MYH14: variants seen among roughly 807,000 people sequenced by gnomAD.
The protein encoded by MYH14 is myosin heavy chain 14, also known as myosin-14.
Under a neutral mutation model 255.5 loss-of-function variants are expected in MYH14, and 123 were observed. That is an observed-to-expected ratio of 0.48 (90% CI 0.42 to 0.56). MYH14 has a LOEUF of 0.56. MYH14 is among the 20% of genes least tolerant of loss of function. The probability of loss-of-function intolerance (pLI) is 0.00; values close to 1 mark genes in which losing one functional copy is unlikely to be tolerated. For missense variants in MYH14, 2,423 were observed against 2,802.3 expected (o/e 0.86, Z 3.06); for synonymous variants, 1,095 against 1,161.2 (o/e 0.94, Z 1.16).
At chr19:50,208,295 A>G (rs2031940549) in intron 1 of MYH14, among the ~76,000 whole-genome samples, 1 of 152,170 alleles carries the variant, frequency 6.6e-6, no homozygotes, top group South Asian at 2.1e-4. Flanking sequence ...TGCGCCTGTA[A>G]TCCCAGCTAC....
At chr19:50,225,563 C>T in intron 6 of MYH14, 22 bp from the exon 7 acceptor site, 1 of 1,603,642 alleles carries the variant, frequency 6.2e-7, no homozygotes, top group Admixed American at 1.7e-5. Flanking sequence ...TGACCTCATG[C>T]ATCATCTCCT....
At chr19:50,224,286 GC>G in intron 6 of MYH14, 109 bp downstream of exon 6, 1 of 1,436,412 alleles carries the variant, frequency 7.0e-7, no homozygotes, top group Non-Finnish European at 9.8e-7. Context: ...GGTCCCACCT[GC>G]CAGGGACCCC....
intron 3 of MYH14, among the ~76,000 whole-genome samples, chr19:50,222,461 C>T (rs920711357): frequency 1.6e-4 from 19 of 120,778 alleles, no homozygotes; most frequent in Admixed American, 9.0e-4. Flanking sequence ...GCCTGGGCGA[C>T]AGAGCAAGAC....
chr19:50,298,042 G>A (rs1324469013), intron 39 of MYH14, among the ~76,000 whole-genome samples: 1 of 152,120 alleles, frequency 6.6e-6, no homozygotes, highest in African/African-American at 2.4e-5. Flanking sequence ...TCCAGGTACT[G>A]CACATGTTCA....
intron 3 of MYH14, among the ~76,000 whole-genome samples, chr19:50,219,829 T>A: frequency 6.6e-6 from 1 of 152,210 alleles, no homozygotes; most frequent in East Asian, 1.9e-4. Flanking sequence ...TTGCTATATA[T>A]CATCTATTTT....
At chr19:50,309,597 TC>T (rs769331981) in intron 42 of MYH14, 42 bp from the exon 43 acceptor site, 2 of 573,976 alleles carry the variant, frequency 3.5e-6, no homozygotes, top group Admixed American at 5.9e-5. Flanking sequence ...TCCCCTCCCC[TC>T]CCCTCATTTC....
chr19:50,286,330 A>G (rs1027204672), intron 33 of MYH14, 152 bp from the exon 34 acceptor site: 6 of 752,166 alleles, frequency 8.0e-6, no homozygotes, highest in South Asian at 2.0e-5. Context: ...CACGGTTGCA[A>G]CTTTAATCCC....
chr19:50,293,911 C>A lies in MYH14; in HGVS notation c.5469+224C>A, dbSNP rs1167748982. On this transcript the variant is annotated intron_variant, in intron 39 of 42. Transcript: ENST00000642316. The surrounding 1 kb of genome is among the most constrained non-coding windows in gnomAD (Gnocchi z 4.1). ...AATTATGTGGGGAAACAGACATGGG[C>A]CAGCAAGTGTGATCATGGAAGTCTC... 6.6e-6 allele frequency among the ~76,000 whole-genome samples: 1 copy of A among 151,992 alleles called. No individual in the cohort carries two copies. Among genetic ancestry groups the A allele is most frequent in the Non-Finnish European group, 1.5e-5 (1 of 68,008 alleles).
rs1373473556 is a variant in MYH14 at position 50,286,609 on chromosome 19, C to T, written c.4667C>T (p.Ala1556Val). Reference sequence around the variant, plus strand: ...CGGGCACTGGAGGAGGAGCAGGAGGCACGTGAGGAGCTGGAGCGGCAGAAC... The same window carrying T: ...CGGGCACTGGAGGAGGAGCAGGAGGTACGTGAGGAGCTGGAGCGGCAGAAC... ...LTRALEEEQE[A>V]REELERQNRA... is the part of the protein sequence containing the mutation. Residue 1556 changes from alanine to valine, a missense_variant, in exon 34 of 43, where the codon GCA (alanine) becomes GTA (valine). Around this residue, in one of 3 missense-constraint regions of MYH14, gnomAD observed 1,513 missense variants for 1,674.8 expected, o/e 0.90. Coordinates refer to ENST00000642316, the MANE Select transcript of MYH14 (RefSeq NM_001145809.2). 1 of 1,603,546 alleles carries T rather than the reference C, an allele frequency of 6.2e-7. No individual in the cohort carries two copies. The highest frequency in any genetic ancestry group is 8.5e-7 in the Non-Finnish European group (1 of 1,175,398).
chr19:50,216,489 A>G (rs1223796757), intron 2 of MYH14, among the ~76,000 whole-genome samples: 2 of 152,052 alleles, frequency 1.3e-5, no homozygotes, highest in African/African-American at 2.4e-5. Context: ...TTGTGATCCC[A>G]GCTACTCTCG....
intron 23 of MYH14, among the ~76,000 whole-genome samples, chr19:50,267,623 A>AAAAAAAAATAATAATAATAATAATAAT (rs138463829): frequency 6.7e-6 from 1 of 149,144 alleles, no homozygotes; most frequent in Non-Finnish European, 1.5e-5. Context: ...TCTGTCTCAA[A>AAAAAAAAATAATAATAATAATAATAAT]AATAATAATA....
Position 50,234,987 on chromosome 19 carries a change from TAGG to T in MYH14, c.1114+2924_1114+2926del, listed in dbSNP as rs563764875. On this transcript the variant is annotated intron_variant, in intron 10 of 42. Transcript: ENST00000642316. ...AGAAAAGACACATATTATTTGTCTA[TAGG>T]AGGAGGCATTCTCTAACCCCACAGC... Among the ~76,000 whole-genome samples the T allele has an allele frequency of 4.6e-5, 7 of 152,304 alleles. No homozygotes were observed. In the South Asian group the frequency reaches 1.4e-3, roughly 32 times the overall value.
At position 50,232,070 on chromosome 19, in the gene MYH14, T is replaced by C. The variant is rs2033424408; in HGVS notation, c.1114T>C (p.Ser372Pro). The change falls in exon 10 of 43, where the codon TCC becomes CCC. Residue 372 changes from serine (S) to proline (P), a missense_variant and splice_region_variant. Coordinates refer to ENST00000642316, the MANE Select transcript of MYH14 (RefSeq NM_001145809.2). The stretch of plus-strand genomic sequence containing the variant: ...GGGATTCAGCCACGAGGAAATCATC[T>C]GTGAGTGAGCCCCGTGGAGGCCAGG... ...VLGFSHEEII[S>P]MLRMVSAVLQ... 7 of 1,611,380 alleles carry C rather than the reference T, an allele frequency of 4.3e-6. No homozygotes were observed. Among genetic ancestry groups the C allele is most frequent in the African/African-American group, 1.3e-5 (1 of 74,952 alleles).
chr19:50,286,725 C>G, intron 34 of MYH14, 31 bp downstream of exon 34: 1 of 1,543,502 alleles, frequency 6.5e-7, no homozygotes, highest in Non-Finnish European at 8.8e-7. Context: ...CCGGGACACA[C>G]TGGGTGAGGG....
At chr19:50,251,365 A>G (rs73061154) in intron 15 of MYH14, among the ~76,000 whole-genome samples, 11,469 of 152,098 alleles carry the variant, frequency 0.075, 558 homozygotes, top group Admixed American at 0.13. Context: ...AAAGAAAGGA[A>G]AAACAGACTG....
chr19:50,250,299 C>T lies in MYH14; in HGVS notation c.1657-216C>T, dbSNP rs1264435227. 7.4e-6 allele frequency among the ~76,000 whole-genome samples: 1 copy of T among 135,568 alleles called. No individual in the cohort carries two copies. The highest frequency in any genetic ancestry group is 1.6e-5 in the Non-Finnish European group (1 of 61,796). 88.9% of individuals were successfully genotyped at this position (135,568 alleles called of 152,430 possible). ...GTATTTTTAGTAGAGTCGGGGGTTT[C>T]ACTGTGTTAGCCAGGATGGTCTCGA... On this transcript the variant is annotated intron_variant, in intron 14 of 42. Transcript: ENST00000642316. The surrounding 1 kb of genome is among the most constrained non-coding windows in gnomAD (Gnocchi z 5.4).
In MYH14 at chr19:50,230,496, C is replaced by CCT. The variant is rs766532695; in HGVS notation, c.875-26_875-25dup. 53 of 1,546,896 alleles carry CCT rather than the reference C, an allele frequency of 3.4e-5. No individual in the cohort carries two copies. The highest frequency in any genetic ancestry group is 4.5e-5 in the Non-Finnish European group (51 of 1,143,504). ...TGGCAGCGTCGGGGCCGTCCCTTCCCCTCTAGCACCTTGACTCGCTGTGTC... is the reference window on the plus strand; with the variant it reads ...TGGCAGCGTCGGGGCCGTCCCTTCCCCTCTCTAGCACCTTGACTCGCTGTGTC... On this transcript the variant is annotated intron_variant, in intron 8 of 42. Transcript: ENST00000642316. This position sits in a 1 kb window ranked among gnomAD's most constrained non-coding sequence, Gnocchi z 4.7.
chr19:50,303,936 T>G (rs182002129), intron 40 of MYH14, among the ~76,000 whole-genome samples: 71 of 152,372 alleles, frequency 4.7e-4, no homozygotes, highest in Admixed American at 3.5e-3. Context: ...TATTTATTAC[T>G]AAGCCTAATA....
At chr19:50,237,719 C>T (rs975797678) in intron 10 of MYH14, among the ~76,000 whole-genome samples, 1 of 152,220 alleles carries the variant, frequency 6.6e-6, no homozygotes, top group South Asian at 2.1e-4. Flanking sequence ...CCTGGAGCAC[C>T]TGTGTCCCCA....
Sources: allele counts gnomAD v4.1 joint callset (sites outside exome capture counted in the v4.1 genomes callset), GRCh38; gene constraint gnomAD v4.1.1; regional missense constraint gnomAD v4.1.1; non-coding constraint Gnocchi (gnomAD v3.1); transcripts MANE v1.5; gene names NCBI Gene and HGNC (gene_info 2026-07-23, HGNC 2026-07-21).